PCDH15: variants seen among roughly 807,000 people sequenced by gnomAD.
PCDH15 encodes protocadherin-15.
A neutral mutation model predicts 178.5 loss-of-function variants in PCDH15; 129 were observed. The observed-to-expected ratio is 0.72, with a 90% CI of 0.63 to 0.84. The LOEUF is 0.84. Among genes scored for constraint, PCDH15 ranks in the 40% least tolerant of loss-of-function variants. The pLI is 0.00. For synonymous variants in PCDH15, 800 were observed against 732.0 expected, an observed-to-expected ratio of 1.09 and a Z score of -1.50; for missense variants, 2,230 against 2,099.9, an observed-to-expected ratio of 1.06 and a Z score of -1.21.
At chr10:54,998,013 T>G (rs2131925774) in intron 2 of PCDH15, among the ~76,000 whole-genome samples, 1 of 152,254 alleles carries the variant, frequency 6.6e-6, no homozygotes, top group African/African-American at 2.4e-5. Flanking sequence ...TCTTGCTTCC[T>G]AGGCTTTCAC....
intron 25 of PCDH15, among the ~76,000 whole-genome samples, chr10:53,908,447 G>A (rs1359307522): frequency 6.6e-6 from 1 of 152,166 alleles, no homozygotes; most frequent in Non-Finnish European, 1.5e-5. Flanking sequence ...AAAATATGCT[G>A]TAATTATTTG....
At chr10:54,147,239 T>C (rs2044072975) in intron 14 of PCDH15, among the ~76,000 whole-genome samples, 1 of 151,534 alleles carries the variant, frequency 6.6e-6, no homozygotes, top group Non-Finnish European at 1.5e-5. Flanking sequence ...TTTTATTCTC[T>C]GCAGGTCCCA....
chr10:54,933,201 A>C (rs926646351), intron 2 of PCDH15, among the ~76,000 whole-genome samples: 5 of 114,304 alleles, frequency 4.4e-5, no homozygotes, highest in Admixed American at 1.0e-4. Context: ...ACAAAATCTC[A>C]TAATGACACA....
intron 16 of PCDH15, among the ~76,000 whole-genome samples, chr10:54,083,087 T>C (rs980624731): frequency 4.6e-5 from 7 of 152,060 alleles, no homozygotes; most frequent in Non-Finnish European, 8.8e-5. Context: ...TAATTATATT[T>C]AAAAAAAGAA....
At chr10:55,393,558 A>C (rs2132016423) in intron 2 of PCDH15, among the ~76,000 whole-genome samples, 1 of 152,242 alleles carries the variant, frequency 6.6e-6, no homozygotes. Flanking sequence ...AAGGAAACAA[A>C]AGTTACCTAT....
At chr10:55,253,811 T>C (rs980793891) in intron 1 of PCDH15, among the ~76,000 whole-genome samples, 2 of 152,172 alleles carry the variant, frequency 1.3e-5, no homozygotes, top group African/African-American at 2.4e-5. Flanking sequence ...GTAAGTTGAG[T>C]GCATAATGGT....
At position 54,053,620 on chromosome 10, in the gene PCDH15, AAG is replaced by A. The variant is rs1383187924; in HGVS notation, c.2220+13135_2220+13136del. 3.9e-5 allele frequency among the ~76,000 whole-genome samples: 6 copies of A among 152,156 alleles called. 1 individual carries two copies. The highest frequency in any genetic ancestry group is 3.3e-4 in the Admixed American group (5 of 15,254). On this transcript the variant is annotated intron_variant, in intron 18 of 37. Transcript: ENST00000644397. ...GAGTTATCTTTAAAAAATGGAGAAA[AAG>A]AAAATCAAGGTGGGGGTATAAACAG...
chr10:55,059,470 T>C (rs1841379295), intron 2 of PCDH15, among the ~76,000 whole-genome samples: 2 of 152,194 alleles, frequency 1.3e-5, no homozygotes, highest in Admixed American at 6.6e-5. Flanking sequence ...TAATCCATTA[T>C]AGTTGCCTAC....
chr10:55,163,975 A>C (rs1839128200), intron 2 of PCDH15, among the ~76,000 whole-genome samples: 2 of 152,150 alleles, frequency 1.3e-5, no homozygotes, highest in African/African-American at 4.8e-5. Flanking sequence ...TTACTTTCTT[A>C]ATAAATCAAT....
rs78234266 is a variant in PCDH15 at position 55,393,332 on chromosome 10, C to T, written c.-155-226681G>A. 5.4e-3 allele frequency among the ~76,000 whole-genome samples: 816 copies of T among 152,180 alleles called. 9 individuals are homozygous for T. The highest frequency in any genetic ancestry group is 0.018 in the African/African-American group (766 of 41,526). On this transcript the variant is annotated intron_variant, in intron 2 of 5. Coordinates refer to the PCDH15 transcript ENST00000613346. ...CCTGGTAATAACATTAGTCTAGACA[C>T]CACACTGTAGGAACTACTGACTCAG...
At chr10:55,116,831 A>G (rs953053730) in intron 2 of PCDH15, among the ~76,000 whole-genome samples, 2 of 152,164 alleles carry the variant, frequency 1.3e-5, no homozygotes, top group Non-Finnish European at 1.5e-5. Context: ...TTTCCTCTGA[A>G]GTGGACCATA....
intron 1 of PCDH15, among the ~76,000 whole-genome samples, chr10:55,203,573 A>G (rs1403219617): frequency 2.6e-5 from 4 of 152,102 alleles, no homozygotes; most frequent in Non-Finnish European, 4.4e-5. Context: ...AGAAATCACT[A>G]GACTTTTCTG....
At chr10:53,872,207 G>T (rs909459566) in intron 26 of PCDH15, among the ~76,000 whole-genome samples, 1 of 152,054 alleles carries the variant, frequency 6.6e-6, no homozygotes, top group Admixed American at 6.6e-5. Context: ...GACACATCCA[G>T]CAACTTATTT....
intron 2 of PCDH15, among the ~76,000 whole-genome samples, chr10:54,567,133 T>C (rs2133479260): frequency 6.6e-6 from 1 of 152,280 alleles, no homozygotes; most frequent in South Asian, 2.1e-4. Context: ...TATATCTTCT[T>C]TGGTTAGGTG....
chr10:54,014,642 C>T (rs2092688717), intron 20 of PCDH15, among the ~76,000 whole-genome samples: 1 of 152,066 alleles, frequency 6.6e-6, no homozygotes, highest in African/African-American at 2.4e-5. Context: ...ACCACAGAAA[C>T]AGGACTAAAA....
chr10:54,510,604 G>A (rs191199563), intron 3 of PCDH15, among the ~76,000 whole-genome samples: 1 of 152,224 alleles, frequency 6.6e-6, no homozygotes, highest in East Asian at 1.9e-4. Context: ...AATGGCCAAG[G>A]CTCTTCAGGA....
chr10:54,869,865 A>G (rs1954005203), intron 3 of PCDH15, among the ~76,000 whole-genome samples: 1 of 152,062 alleles, frequency 6.6e-6, no homozygotes, highest in Non-Finnish European at 1.5e-5. Flanking sequence ...ATACTGACAC[A>G]TTTTCACATG....
rs1285418668 is a variant in PCDH15, at chr10:54,551,320, C to G, written c.92-23443G>C. 4.6e-5 allele frequency among the ~76,000 whole-genome samples: 7 copies of G among 151,754 alleles called. No homozygotes were observed. In the East Asian group the frequency reaches 9.7e-4, roughly 21 times the overall value. On this transcript the variant is annotated intron_variant, in intron 2 of 37. Coordinates refer to ENST00000644397, the MANE Select transcript of PCDH15 (RefSeq NM_001384140.1). The stretch of plus-strand genomic sequence containing the variant: ...TCAAGACATTTATATCGCCTCTATA[C>G]AAAAACAAGATGAACTAAACTAAAT...
intron 2 of PCDH15, among the ~76,000 whole-genome samples, chr10:54,582,545 G>A (rs1482434747): frequency 2.6e-5 from 4 of 151,962 alleles, no homozygotes; most frequent in Non-Finnish European, 5.9e-5. Flanking sequence ...CAAAACGGTA[G>A]GTGCTCTTAT....
Sources: allele counts gnomAD v4.1 joint callset (sites outside exome capture counted in the v4.1 genomes callset), GRCh38; gene constraint gnomAD v4.1.1; transcripts MANE v1.5; gene names NCBI Gene and HGNC (gene_info 2026-07-23, HGNC 2026-07-21).